Variants in MYRIP observed in about 807,000 individuals in gnomAD.
The protein encoded by MYRIP is myosin VIIA and Rab interacting protein.
A neutral mutation model predicts 98.0 loss-of-function variants in MYRIP; 49 were observed. That is an observed-to-expected ratio of 0.50 (90% CI 0.40 to 0.63). The LOEUF is 0.63. Among genes scored for constraint, MYRIP ranks in the 30% least tolerant of loss-of-function variants. The pLI, the probability that MYRIP is intolerant of heterozygous loss-of-function variation, is 0.00. For synonymous variants in MYRIP, 404 were observed against 409.5 expected (o/e 0.99, Z 0.16); for missense variants, 1,004 against 1,058.2 (o/e 0.95, Z 0.71).
At chr3:39,889,213 T>G (rs1575348427) in intron 1 of MYRIP, among the ~76,000 whole-genome samples, 1 of 152,188 alleles carries the variant, frequency 6.6e-6, no homozygotes, top group African/African-American at 2.4e-5. Context: ...AATGCTGCTA[T>G]AAAGACACAT....
At chr3:39,828,479 AAT>A (rs2125581647) in intron 1 of MYRIP, among the ~76,000 whole-genome samples, 1 of 151,778 alleles carries the variant, frequency 6.6e-6, no homozygotes, top group East Asian at 1.9e-4. Context: ...ATATATATAT[AAT>A]ATCTTTTATT....
At chr3:39,957,980 A>T (rs1159371105) in intron 2 of MYRIP, among the ~76,000 whole-genome samples, 1 of 152,216 alleles carries the variant, frequency 6.6e-6, no homozygotes, top group African/African-American at 2.4e-5. Context: ...AAGGGATGTG[A>T]AGGACCTCTT....
chr3:40,253,171 C>G (rs1953435317), intron 16 of MYRIP, among the ~76,000 whole-genome samples: 2 of 152,152 alleles, frequency 1.3e-5, no homozygotes, highest in South Asian at 4.1e-4. Context: ...CACAGGTATG[C>G]TCTAAGGAGA....
At chr3:40,185,928 T>C (rs1180114446) in intron 9 of MYRIP, among the ~76,000 whole-genome samples, 2 of 152,126 alleles carry the variant, frequency 1.3e-5, no homozygotes, top group African/African-American at 4.8e-5. Flanking sequence ...GTAGTATTCA[T>C]GTGCCCAGGA....
chr3:40,000,242 A>G (rs536835267), intron 2 of MYRIP, among the ~76,000 whole-genome samples: 3 of 152,336 alleles, frequency 2.0e-5, no homozygotes, highest in South Asian at 4.1e-4. Context: ...AATAAATGTT[A>G]TAAATGAATG....
chr3:40,117,912 C>A (rs557500035), intron 3 of MYRIP, among the ~76,000 whole-genome samples: 9 of 152,252 alleles, frequency 5.9e-5, no homozygotes, highest in Admixed American at 3.9e-4. Context: ...CTCTACAGCA[C>A]AAAAATCACC....
chr3:39,860,623 G>C (rs1423476903), intron 1 of MYRIP, among the ~76,000 whole-genome samples: 2 of 152,144 alleles, frequency 1.3e-5, no homozygotes, highest in Admixed American at 1.3e-4. Flanking sequence ...AGCCCACACT[G>C]TAGCTCCTGT....
Position 40,190,275 on chromosome 3 carries a change from G to A in MYRIP, c.1477G>A (p.Glu493Lys). Residue 493 changes from glutamate (E) to lysine (K), a missense_variant, in exon 10 of 17, where the codon GAG (glutamate) becomes AAG (lysine). Transcript: ENST00000302541. ...PAAEKMRLHGELDVNFNPQLA... is the reference protein window; with the variant it reads ...PAAEKMRLHGKLDVNFNPQLA... The stretch of plus-strand genomic sequence containing the variant: ...AGCTGAGAAGATGCGCTTGCATGGA[G>A]AGCTGGACGTGAACTTCAACCCCCA... 3 of 1,614,082 alleles carry A rather than the reference G, an allele frequency of 1.9e-6. No individual in the cohort carries two copies. The highest frequency in any genetic ancestry group is 2.5e-6 in the Non-Finnish European group (3 of 1,180,024).
chr3:40,107,050 G>A lies in MYRIP; in HGVS notation c.333-43998G>A, dbSNP rs540985425. ...AATTGATATGTTTATCACTCTTTAC[G>A]TGCCTTATCAATAGATTATGCTAGT... On this transcript the variant is annotated intron_variant, in intron 3 of 16. Transcript: ENST00000302541. Among the ~76,000 whole-genome samples, 83 of 152,088 alleles carry A rather than the reference G, an allele frequency of 5.5e-4. 1 individual carries two copies. Among genetic ancestry groups the A allele is most frequent in the African/African-American group, 1.9e-3 (78 of 41,480 alleles).
intron 2 of MYRIP, among the ~76,000 whole-genome samples, chr3:39,945,788 C>A (rs1053626096): frequency 5.3e-5 from 8 of 152,006 alleles, no homozygotes; most frequent in South Asian, 2.1e-4. Context: ...ATGTTAAATA[C>A]TTGTTCTTAT....
intron 3 of MYRIP, among the ~76,000 whole-genome samples, chr3:40,095,170 G>A (rs1948802446): frequency 6.6e-6 from 1 of 152,098 alleles, no homozygotes; most frequent in African/African-American, 2.4e-5. Context: ...TGGATGCCAG[G>A]CCTTGAAAGC....
At chr3:40,057,953 G>A (rs1947916714) in intron 3 of MYRIP, among the ~76,000 whole-genome samples, 1 of 152,066 alleles carries the variant, frequency 6.6e-6, no homozygotes. Context: ...AGGAAAAGAG[G>A]GATACAGCAC....
intron 3 of MYRIP, among the ~76,000 whole-genome samples, chr3:40,135,258 T>G (rs1425622981): frequency 6.6e-6 from 1 of 152,134 alleles, no homozygotes; most frequent in Non-Finnish European, 1.5e-5. Flanking sequence ...GTAACCGATG[T>G]GATCAACTGG....
At chr3:40,103,516 T>C (rs1405732262) in intron 3 of MYRIP, among the ~76,000 whole-genome samples, 1 of 152,214 alleles carries the variant, frequency 6.6e-6, no homozygotes, top group African/African-American at 2.4e-5. Flanking sequence ...CCCAACACTT[T>C]GGGAGGCCAA....
At chr3:39,844,005 G>A (rs970402916) in intron 1 of MYRIP, among the ~76,000 whole-genome samples, 1 of 152,180 alleles carries the variant, frequency 6.6e-6, no homozygotes, top group African/African-American at 2.4e-5. Flanking sequence ...AAGAGGCTGA[G>A]AGACCTCCAC....
At chr3:39,907,666 A>G (rs1391586683) in intron 2 of MYRIP, among the ~76,000 whole-genome samples, 1 of 152,190 alleles carries the variant, frequency 6.6e-6, no homozygotes, top group Non-Finnish European at 1.5e-5. Flanking sequence ...ACAGCGACAT[A>G]GCCTAGTATT....
intron 3 of MYRIP, among the ~76,000 whole-genome samples, chr3:40,100,511 A>G (rs1294234835): frequency 6.6e-6 from 1 of 152,336 alleles, no homozygotes; most frequent in Admixed American, 6.5e-5. Context: ...TGGAAAAAGT[A>G]TTTCTCCTCT....
chr3:40,226,515 A>C lies in MYRIP; in HGVS notation c.1906-7344A>C, dbSNP rs190392939. On this transcript the variant is annotated intron_variant, in intron 11 of 16. Coordinates refer to ENST00000302541, the MANE Select transcript of MYRIP (RefSeq NM_015460.4). The stretch of plus-strand genomic sequence containing the variant: ...TTACTTTCTGCCTCCAGTTCTCCCC[A>C]GCCCTCAATCTGTTCATGTGGCAGT... 3.7e-3 allele frequency among the ~76,000 whole-genome samples: 557 copies of C among 152,308 alleles called. 11 individuals are homozygous for C. Among genetic ancestry groups the C allele is most frequent in the Non-Finnish European group, 1.3e-3 (86 of 68,012 alleles).
intron 2 of MYRIP, among the ~76,000 whole-genome samples, chr3:39,956,070 A>G (rs948411556): frequency 6.6e-6 from 1 of 152,116 alleles, no homozygotes. Flanking sequence ...CTCCCACACA[A>G]TAATAATGGG....
Sources: allele counts gnomAD v4.1 joint callset (sites outside exome capture counted in the v4.1 genomes callset), GRCh38; gene constraint gnomAD v4.1.1; transcripts MANE v1.5; gene names NCBI Gene and HGNC (gene_info 2026-07-23, HGNC 2026-07-21).